Variants in USP31 observed in about 807,000 individuals in gnomAD.
USP31 encodes ubiquitin carboxyl-terminal hydrolase 31.
In USP31, 44 loss-of-function variants were observed where a neutral mutation model predicts 119.4. The ratio of observed to expected loss-of-function variants is 0.37; its 90% CI spans 0.29 to 0.47. The LOEUF (loss-of-function observed/expected upper bound fraction) is 0.47. Among genes scored for constraint, USP31 ranks in the 20% least tolerant of loss-of-function variants. The pLI, the probability that USP31 is intolerant of heterozygous loss-of-function variation, is 0.99. For synonymous variants in USP31, 749 were observed against 705.6 expected (o/e 1.06, Z -0.97); for missense variants, 1,643 against 1,730.2 (o/e 0.95, Z 0.89).
At chr16:23,122,806 G>A (rs987061963) in intron 1 of USP31, among the ~76,000 whole-genome samples, 17 of 152,240 alleles carry the variant, frequency 1.1e-4, no homozygotes, top group Non-Finnish European at 2.2e-4. Flanking sequence ...GAAATAGGGA[G>A]TGACTGCTAA....
At chr16:23,099,931 C>T (rs1459733279) in intron 6 of USP31, among the ~76,000 whole-genome samples, 2 of 152,132 alleles carry the variant, frequency 1.3e-5, no homozygotes, top group Non-Finnish European at 2.9e-5. Flanking sequence ...AGAAAAGATG[C>T]TCAACATCAT....
chr16:23,104,774 G>A (rs1159558377), intron 5 of USP31, among the ~76,000 whole-genome samples: 2 of 152,176 alleles, frequency 1.3e-5, no homozygotes, highest in East Asian at 3.8e-4. Context: ...AGTAAGGAAT[G>A]TTTTTCCAAA....
intron 1 of USP31, among the ~76,000 whole-genome samples, chr16:23,142,852 T>C (rs1376906029): frequency 6.6e-6 from 1 of 152,214 alleles, no homozygotes; most frequent in Non-Finnish European, 1.5e-5. Context: ...CACAATTTCA[T>C]TTTTTCCAAG....
intron 1 of USP31, among the ~76,000 whole-genome samples, chr16:23,129,192 G>A (rs947528280): frequency 3.9e-5 from 6 of 152,008 alleles, no homozygotes; most frequent in Admixed American, 2.0e-4. Context: ...AGACAAACAC[G>A]CATTCAACAA....
chr16:23,072,645 A>G, intron 14 of USP31: 1 of 422,398 alleles, frequency 2.4e-6, no homozygotes, highest in Non-Finnish European at 4.2e-6. Context: ...GTTTTAAGGA[A>G]ATTTGTCACC....
intron 5 of USP31, among the ~76,000 whole-genome samples, chr16:23,104,880 C>T (rs1214381312): frequency 6.6e-6 from 1 of 152,220 alleles, no homozygotes; most frequent in African/African-American, 2.4e-5. Context: ...AACATAACTG[C>T]TTATCAAACA....
chr16:23,125,336 G>A (rs1449603056), intron 1 of USP31, among the ~76,000 whole-genome samples: 1 of 152,144 alleles, frequency 6.6e-6, no homozygotes, highest in Admixed American at 6.6e-5. Context: ...GAAAAGAGTA[G>A]CCTCTGACCC....
intron 1 of USP31, among the ~76,000 whole-genome samples, chr16:23,110,259 T>C (rs896086336): frequency 6.6e-6 from 1 of 152,222 alleles, no homozygotes; most frequent in African/African-American, 2.4e-5. Flanking sequence ...CAGTTGTGTA[T>C]ATGTGTATCA....
intron 5 of USP31, among the ~76,000 whole-genome samples, chr16:23,104,419 T>C (rs1475123161): frequency 1.3e-5 from 2 of 152,248 alleles, no homozygotes; most frequent in Non-Finnish European, 2.9e-5. Flanking sequence ...GCTCTAAAGA[T>C]GCAACCAGAT....
At chr16:23,082,757 A>G (rs948123070) in intron 11 of USP31, among the ~76,000 whole-genome samples, 200 bp from the exon 12 acceptor site, 1 of 151,942 alleles carries the variant, frequency 6.6e-6, no homozygotes, top group African/African-American at 2.4e-5. Flanking sequence ...TGTTGAATAG[A>G]TTATCCCTCA....
At chr16:23,105,813 A>G (rs1250762478) in intron 4 of USP31, among the ~76,000 whole-genome samples, 2 of 152,182 alleles carry the variant, frequency 1.3e-5, no homozygotes, top group African/African-American at 2.4e-5. Context: ...ACAAAAATAT[A>G]TCTACACTTG....
rs781351715 is a variant in USP31, at chr16:23,066,530, CAAG to C, written c.*1513_*1515del. On this transcript the variant is annotated 3_prime_UTR_variant, in exon 16 of 16. Coordinates refer to ENST00000219689, the MANE Select transcript of USP31 (RefSeq NM_020718.4). The stretch of plus-strand genomic sequence containing the variant: ...TATATGGATCTGTGCACCAAGGGTT[CAAG>C]AAGAACTTGAAGAGTCTGACGAAAA... The C allele has an allele frequency of 9.9e-5, 15 of 151,846 alleles. No individual in the cohort carries two copies. The highest frequency in any genetic ancestry group is 2.1e-4 in the South Asian group (1 of 4,808). The allele number at this position is 151,846 out of a possible 1,614,324, so 9.4% of individuals were successfully genotyped here.
intron 13 of USP31, among the ~76,000 whole-genome samples, chr16:23,078,441 G>A (rs1016270853): frequency 6.6e-6 from 1 of 152,052 alleles, no homozygotes; most frequent in African/African-American, 2.4e-5. Flanking sequence ...GTGCTGCTGT[G>A]CTTCTGAATT....
chr16:23,119,574 G>A lies in USP31; in HGVS notation c.634-11391C>T, dbSNP rs983395930. On this transcript the variant is annotated intron_variant, in intron 1 of 15. Coordinates refer to ENST00000219689, the MANE Select transcript of USP31 (RefSeq NM_020718.4). ...TCTCAGTTAGACATAAAGCACGACT[G>A]AGCTACAGCTGCACCAACCTTGAGG... is the stretch of plus-strand genomic sequence containing the variant. Among the ~76,000 whole-genome samples the A allele has an allele frequency of 3.3e-5, 5 of 152,328 alleles. No homozygotes were observed. The East Asian group carries it at 5.8e-4, about 18-fold the overall frequency.
At chr16:23,126,638 AAAG>A (rs200832386) in intron 1 of USP31, among the ~76,000 whole-genome samples, 2,506 of 151,794 alleles carry the variant, frequency 0.017, 44 homozygotes, top group Non-Finnish European at 0.025. Flanking sequence ...AAAAAAAAAA[AAAG>A]AAATAAAAAA....
At chr16:23,104,549 G>A (rs574737931) in intron 5 of USP31, among the ~76,000 whole-genome samples, 2 of 152,142 alleles carry the variant, frequency 1.3e-5, no homozygotes, top group Non-Finnish European at 2.9e-5. Context: ...TTATCAACAT[G>A]CCAGTACTTG....
Position 23,061,697 on chromosome 16 carries a change from A to G in USP31, c.*6349T>C, listed in dbSNP as rs1435779745. ...GACATCCTGCCTTCCATATTACTGTACAACTGAAAATGAAAACGACACAGA... is the reference window on the plus strand; with the variant it reads ...GACATCCTGCCTTCCATATTACTGTGCAACTGAAAATGAAAACGACACAGA... On this transcript the variant is annotated 3_prime_UTR_variant, in exon 16 of 16. Transcript: ENST00000219689. 2.0e-5 allele frequency: 3 copies of G among 152,568 alleles called. No individual in the cohort carries two copies. Among genetic ancestry groups the G allele is most frequent in the African/African-American group, 7.2e-5 (3 of 41,466 alleles). The allele number at this position is 152,568 out of a possible 1,614,324, so 9.5% of individuals were successfully genotyped here. A position where few individuals can be genotyped will look rare whatever the true frequency, so the allele number is the denominator to read the frequency against.
intron 1 of USP31, among the ~76,000 whole-genome samples, chr16:23,118,739 C>G (rs1180846604): frequency 6.6e-6 from 1 of 152,158 alleles, no homozygotes; most frequent in African/African-American, 2.4e-5. Context: ...GTAACAATAA[C>G]AGTTAATACT....
At chr16:23,134,145 T>C (rs1450161142) in intron 1 of USP31, among the ~76,000 whole-genome samples, 1 of 151,936 alleles carries the variant, frequency 6.6e-6, no homozygotes, top group Non-Finnish European at 1.5e-5. Context: ...TTACTTTGTT[T>C]TTGAAACTTG....
Sources: allele counts gnomAD v4.1 joint callset (sites outside exome capture counted in the v4.1 genomes callset), GRCh38; gene constraint gnomAD v4.1.1; transcripts MANE v1.5; gene names NCBI Gene and HGNC (gene_info 2026-07-23, HGNC 2026-07-21).